GSE1: variants seen among roughly 807,000 people sequenced by gnomAD.
GSE1 encodes genetic suppressor element 1.
Under a neutral mutation model 112.6 loss-of-function variants are expected in GSE1, and 32 were observed. The observed-to-expected ratio is 0.28, with a 90% CI of 0.21 to 0.38. The LOEUF (loss-of-function observed/expected upper bound fraction) is 0.38. Among genes scored for constraint, GSE1 ranks in the 10% least tolerant of loss-of-function variants. The pLI is 1.00. For missense variants in GSE1, 2,348 were observed against 1,699.2 expected, an observed-to-expected ratio of 1.38 and a Z score of -6.71; for synonymous variants, 1,115 against 735.6, an observed-to-expected ratio of 1.52 and a Z score of -8.35.
At chr16:85,202,581 C>T (rs1018033616) in intron 1 of GSE1, among the ~76,000 whole-genome samples, 7 of 152,214 alleles carry the variant, frequency 4.6e-5, no homozygotes, top group Admixed American at 3.9e-4. Context: ...GGCAGAACCC[C>T]ACCCCACACA....
intron 2 of GSE1, among the ~76,000 whole-genome samples, chr16:85,647,927 C>A (rs1345810500): frequency 6.6e-6 from 1 of 152,142 alleles, no homozygotes; most frequent in Non-Finnish European, 1.5e-5. Flanking sequence ...TGCACTGCAG[C>A]CCCATGTCTG....
chr16:85,185,375 A>G (rs2143367554), intron 1 of GSE1: 1 of 152,358 alleles, frequency 6.6e-6, no homozygotes, highest in Non-Finnish European at 1.5e-5. Flanking sequence ...GCTCCTTCCC[A>G]GTGACTTTCT....
At chr16:85,349,473 G>A (rs981839806) in intron 1 of GSE1, among the ~76,000 whole-genome samples, 4 of 152,070 alleles carry the variant, frequency 2.6e-5, no homozygotes, top group Non-Finnish European at 5.9e-5. Context: ...GCCTGTCCAT[G>A]TTCCCTTCTC....
At chr16:85,398,939 C>T (rs768660384) in intron 2 of GSE1, among the ~76,000 whole-genome samples, 24 of 152,082 alleles carry the variant, frequency 1.6e-4, no homozygotes, top group East Asian at 3.9e-4. Context: ...TATCCACATG[C>T]GTTGTATGTT....
chr16:85,536,199 G>C (rs1201123048), intron 2 of GSE1, among the ~76,000 whole-genome samples: 1 of 152,238 alleles, frequency 6.6e-6, no homozygotes, highest in Non-Finnish European at 1.5e-5. Flanking sequence ...GTGGTTGAAG[G>C]CCAGGAAGTT....
At chr16:85,328,241 C>T (rs1411795762) in intron 1 of GSE1, among the ~76,000 whole-genome samples, 1 of 152,228 alleles carries the variant, frequency 6.6e-6, no homozygotes, top group East Asian at 1.9e-4. Context: ...ACAGCAAGCC[C>T]CCAGACGGGG....
chr16:85,422,039 C>G (rs1023319465), intron 2 of GSE1, among the ~76,000 whole-genome samples: 2 of 152,138 alleles, frequency 1.3e-5, no homozygotes, highest in Non-Finnish European at 2.9e-5. Flanking sequence ...GAACTCCCGC[C>G]CCACGGCCCA....
chr16:85,276,559 A>G lies in GSE1; in HGVS notation c.2284-80904A>G, dbSNP rs1326126355. Among the ~76,000 whole-genome samples the G allele has an allele frequency of 2.0e-5, 3 of 152,198 alleles. No homozygotes were observed. The East Asian group carries it at 5.8e-4, about 29-fold the overall frequency. ...AGGCAGGGCCTCAGGGAGCAATATT[A>G]AGGATGTTTAATCCAGAAAGGGCCC... On this transcript the variant is annotated intron_variant, in intron 1 of 2. Coordinates refer to the GSE1 transcript ENST00000637419.
At chr16:85,508,784 T>C (rs2051630266) in intron 2 of GSE1, among the ~76,000 whole-genome samples, 1 of 152,250 alleles carries the variant, frequency 6.6e-6, no homozygotes, top group African/African-American at 2.4e-5. Flanking sequence ...CTTTGTCTTT[T>C]ACCTGAACTG....
At chr16:85,377,116 GCA>G (rs2047438618) in intron 2 of GSE1, among the ~76,000 whole-genome samples, 1 of 152,252 alleles carries the variant, frequency 6.6e-6, no homozygotes, top group South Asian at 2.1e-4. Context: ...TGCCGTGTGT[GCA>G]CAGTTGTGGA....
chr16:85,620,411 T>C (rs543019674), intron 1 of GSE1, among the ~76,000 whole-genome samples: 2 of 152,372 alleles, frequency 1.3e-5, no homozygotes, highest in South Asian at 4.1e-4. Context: ...TTTTTGCATT[T>C]GACATGTGGT....
chr16:85,487,317 C>T (rs1413892931), intron 2 of GSE1, among the ~76,000 whole-genome samples: 5 of 152,172 alleles, frequency 3.3e-5, no homozygotes, highest in African/African-American at 7.2e-5. Context: ...AGCTACGTCC[C>T]GTGGATACAG....
intron 2 of GSE1, among the ~76,000 whole-genome samples, chr16:85,494,249 G>T (rs1273239561): frequency 3.3e-5 from 5 of 152,208 alleles, no homozygotes; most frequent in Non-Finnish European, 5.9e-5. Context: ...TAGTTTCCCT[G>T]CGCCTCCCAA....
intron 1 of GSE1, among the ~76,000 whole-genome samples, chr16:85,267,573 C>T (rs1476471359): frequency 6.6e-6 from 1 of 152,164 alleles, no homozygotes; most frequent in Non-Finnish European, 1.5e-5. Context: ...TCTAGCTGCT[C>T]TCCCCCAGCA....
At chr16:85,396,625 T>A (rs1043956105) in intron 2 of GSE1, among the ~76,000 whole-genome samples, 1 of 152,202 alleles carries the variant, frequency 6.6e-6, no homozygotes, top group Non-Finnish European at 1.5e-5. Context: ...CTCCCTCCGA[T>A]TGGGAGCAGG....
At chr16:85,437,594 T>C (rs560258983) in intron 2 of GSE1, among the ~76,000 whole-genome samples, 19 of 152,030 alleles carry the variant, frequency 1.2e-4, no homozygotes, top group Admixed American at 4.6e-4. Flanking sequence ...GCTCGGGGGA[T>C]TGGGATCGGA....
intron 14 of GSE1, among the ~76,000 whole-genome samples, chr16:85,668,722 A>C (rs578111213): frequency 6.6e-6 from 1 of 152,286 alleles, no homozygotes; most frequent in East Asian, 1.9e-4. Flanking sequence ...TGTCGGCCTC[A>C]GCTTCGTGTA....
At chr16:85,669,031 G>A (rs1351264371) in intron 14 of GSE1, among the ~76,000 whole-genome samples, 2 of 152,258 alleles carry the variant, frequency 1.3e-5, no homozygotes, top group African/African-American at 4.8e-5. Flanking sequence ...ACAGCACCAG[G>A]CGGACTCAGG....
intron 1 of GSE1, among the ~76,000 whole-genome samples, chr16:85,186,995 G>C (rs1361076740): frequency 1.3e-5 from 2 of 152,230 alleles, no homozygotes; most frequent in African/African-American, 2.4e-5. Context: ...GTGGGGTCTG[G>C]ATGAGGCCAG....
Sources: gnomAD v4.1 joint callset for allele counts (sites outside exome capture counted in the v4.1 genomes callset) on GRCh38, gnomAD v4.1.1 for gene constraint, MANE v1.5 for transcripts, NCBI Gene and HGNC (gene_info 2026-07-23, HGNC 2026-07-21) for gene names.